REPS2: variants seen among roughly 807,000 people sequenced by gnomAD.
The protein encoded by REPS2 is RALBP1 associated Eps domain containing 2.
REPS2 carries 23 observed loss-of-function variants against 53.6 expected under a neutral mutation model. The observed-to-expected ratio is 0.43, with a 90% CI of 0.31 to 0.61. The LOEUF is 0.61. Among genes scored for constraint, REPS2 ranks in the 20% least tolerant of loss-of-function variants. REPS2 has a pLI of 0.11. For synonymous variants in REPS2, 238 were observed against 218.6 expected, an observed-to-expected ratio of 1.09 and a Z score of -0.78; for missense variants, 446 against 534.9, an observed-to-expected ratio of 0.83 and a Z score of 1.64.
intron 6 of REPS2, among the ~76,000 whole-genome samples, chrX:17,051,676 T>C (rs985623485): frequency 8.9e-6 from 1 of 112,465 alleles, no homozygotes; most frequent in African/African-American, 3.2e-5. Context: ...TATGTGAACA[T>C]ATATTTTTAT....
chrX:17,046,386 C>A (rs778403164), intron 5 of REPS2, among the ~76,000 whole-genome samples: 4 of 110,771 alleles, frequency 3.6e-5, no homozygotes, highest in Non-Finnish European at 5.7e-5. Context: ...TCATGTCGGC[C>A]AGGCTGGTCT....
intron 14 of REPS2, among the ~76,000 whole-genome samples, chrX:17,114,279 C>A (rs1475325266): frequency 8.9e-6 from 1 of 112,136 alleles, no homozygotes; most frequent in Non-Finnish European, 1.9e-5. Context: ...TTTTAGGGGT[C>A]TAAAGGGATC....
the REPS2 span, among the ~76,000 whole-genome samples, chrX:17,179,187 C>T: frequency 8.9e-6 from 1 of 112,185 alleles, no homozygotes; most frequent in Non-Finnish European, 1.9e-5. Context: ...TCTTCTAGAA[C>T]TTTGCCTTCC....
the REPS2 span, among the ~76,000 whole-genome samples, chrX:17,182,324 G>A: frequency 2.7e-5 from 3 of 111,295 alleles, no homozygotes; most frequent in Non-Finnish European, 3.8e-5. Flanking sequence ...AGATGCCTGC[G>A]GAGCCCCAGT....
At chrX:17,099,048 C>T (rs2062745593) in intron 13 of REPS2, among the ~76,000 whole-genome samples, 1 of 111,793 alleles carries the variant, frequency 8.9e-6, no homozygotes, top group Non-Finnish European at 1.9e-5. Context: ...TCCAAAATGG[C>T]AACTCTGGTA....
At chrX:16,959,567 G>T (rs1467203017) in intron 1 of REPS2, among the ~76,000 whole-genome samples, 2 of 111,757 alleles carry the variant, frequency 1.8e-5, no homozygotes, top group Non-Finnish European at 1.9e-5. Flanking sequence ...ATTCAAGGCA[G>T]TAGAGAGTGC....
At chrX:17,179,691 A>G in the REPS2 span, among the ~76,000 whole-genome samples, 1 of 111,714 alleles carries the variant, frequency 9.0e-6, no homozygotes, top group African/African-American at 3.3e-5. Flanking sequence ...GCACAGTAAT[A>G]ATAGGTAACT....
intron 1 of REPS2, among the ~76,000 whole-genome samples, chrX:16,961,234 C>T (rs1202190378): frequency 9.0e-6 from 1 of 111,531 alleles, no homozygotes; most frequent in Non-Finnish European, 1.9e-5. Context: ...GATAGTATAT[C>T]CTGGCATAAA....
In REPS2 at chrX:17,052,264, G is replaced by GT. The variant is rs1382815542; in HGVS notation, c.908-115dup. ...CATAATTGCTTTGAGGAATAAATATGTTTGTGGTTATACAGAAGAGATTGC... is the reference window on the plus strand; with the variant it reads ...CATAATTGCTTTGAGGAATAAATATGTTTTGTGGTTATACAGAAGAGATTGC... On this transcript the variant is annotated intron_variant, in intron 6 of 17. Transcript: ENST00000357277. The GT allele has an allele frequency of 8.0e-6, 4 of 499,582 alleles. No homozygotes were observed. The African/African-American group carries it at 9.6e-5, about 12-fold the overall frequency. 41.2% of individuals were successfully genotyped at this position (499,582 alleles called of 1,213,427 possible).
intron 8 of REPS2, among the ~76,000 whole-genome samples, chrX:17,059,013 C>CTT (rs1179244167): frequency 2.1e-5 from 2 of 96,905 alleles, no homozygotes; most frequent in Non-Finnish European, 4.2e-5. Context: ...TTCTTTCTTT[C>CTT]TTTTTTTTTT....
At chrX:17,058,778 TAAC>T (rs2062111941) in intron 8 of REPS2, among the ~76,000 whole-genome samples, 1 of 111,329 alleles carries the variant, frequency 9.0e-6, no homozygotes. Context: ...TATATAGTTC[TAAC>T]AGAAAACATG....
Position 17,077,413 on chromosome X carries a change from G to A in REPS2, c.1516+6G>A, listed in dbSNP as rs1676829078. Reference sequence around the variant, plus strand: ...CTTCCAGCCCAGTGTGCCAGGTGAAGTGCCCCTTGCCCCCTGAGCCCTTCC... The same window carrying A: ...CTTCCAGCCCAGTGTGCCAGGTGAAATGCCCCTTGCCCCCTGAGCCCTTCC... On this transcript the variant is annotated splice_donor_region_variant and intron_variant, in intron 13 of 17. Transcript: ENST00000357277. The A allele has an allele frequency of 1.7e-6, 2 of 1,191,431 alleles. No homozygotes were observed. Among genetic ancestry groups the A allele is most frequent in the African/African-American group, 3.5e-5 (2 of 56,652 alleles).
At chrX:17,055,685 G>GT (rs1266603362) in intron 8 of REPS2, among the ~76,000 whole-genome samples, 1 of 107,123 alleles carries the variant, frequency 9.3e-6, no homozygotes, top group Non-Finnish European at 1.9e-5. Context: ...CATGTCCTTT[G>GT]TAGGGACATG....
At chrX:16,947,639 A>C (rs983666442) in intron 1 of REPS2, among the ~76,000 whole-genome samples, 1 of 112,077 alleles carries the variant, frequency 8.9e-6, no homozygotes, top group African/African-American at 3.3e-5. Flanking sequence ...ATAAGTATCT[A>C]CTATATGTAA....
chrX:17,172,975 A>ATGTGTG, the REPS2 span, among the ~76,000 whole-genome samples: 221 of 99,271 alleles, frequency 2.2e-3, 1 homozygote, highest in East Asian at 0.013. Context: ...GTGTGTATGT[A>ATGTGTG]TGTGTGTGTG....
chrX:17,107,773 G>A (rs1346803316), intron 14 of REPS2, among the ~76,000 whole-genome samples: 1 of 112,157 alleles, frequency 8.9e-6, no homozygotes, highest in Non-Finnish European at 1.9e-5. Context: ...ATTTTCCTGT[G>A]GCAAGACTAG....
chrX:17,027,241 A>AT (rs1481205412), intron 4 of REPS2, among the ~76,000 whole-genome samples: 3 of 111,843 alleles, frequency 2.7e-5, no homozygotes, highest in Non-Finnish European at 5.6e-5. Context: ...CACTGTTCTG[A>AT]TTTTCATCAC....
At chrX:16,957,101 T>C (rs1238003770) in intron 1 of REPS2, among the ~76,000 whole-genome samples, 1 of 112,473 alleles carries the variant, frequency 8.9e-6, no homozygotes, top group Non-Finnish European at 1.9e-5. Flanking sequence ...ATCCCATAAA[T>C]GCCAGCAATT....
chrX:17,163,203 G>A, the REPS2 span, among the ~76,000 whole-genome samples: 2 of 111,876 alleles, frequency 1.8e-5, no homozygotes, highest in East Asian at 2.8e-4. Context: ...TAAAAATTCA[G>A]GGTTGAAAAG....
Sources: allele counts gnomAD v4.1 joint callset (sites outside exome capture counted in the v4.1 genomes callset), GRCh38; gene constraint gnomAD v4.1.1; transcripts MANE v1.5; gene names NCBI Gene and HGNC (gene_info 2026-07-23, HGNC 2026-07-21).